IQSEC3: variants seen among roughly 807,000 people sequenced by gnomAD.
IQSEC3 encodes IQ motif and Sec7 domain ArfGEF 3, also known as IQ motif and SEC7 domain-containing protein 3.
IQSEC3 carries 50 observed loss-of-function variants against 105.4 expected under a neutral mutation model. The observed-to-expected ratio is 0.47, with a 90% confidence interval of 0.38 to 0.60. The LOEUF is 0.60. Among genes scored for constraint, IQSEC3 ranks in the 20% least tolerant of loss-of-function variants. IQSEC3 has a pLI of 0.00. For synonymous variants in IQSEC3, 708 were observed against 746.0 expected (o/e 0.95, Z 0.83); for missense variants, 1,415 against 1,630.0 (o/e 0.87, Z 2.27).
intron 5 of IQSEC3, chr12:143,201 G>A (rs542738293): frequency 6.5e-6 from 1 of 153,002 alleles, no homozygotes; most frequent in Admixed American, 6.5e-5. Flanking sequence ...CCTGTGCTGA[G>A]GAGGGGAGCT....
chr12:101,496 G>A (rs1864421065), intron 2 of IQSEC3, among the ~76,000 whole-genome samples: 1 of 152,140 alleles, frequency 6.6e-6, no homozygotes, highest in African/African-American at 2.4e-5. Context: ...GCTCCGGGGA[G>A]GGAGTGTGGG....
chr12:169,844 C>A (rs1591758174), intron 12 of IQSEC3, among the ~76,000 whole-genome samples: 1 of 152,380 alleles, frequency 6.6e-6, no homozygotes, highest in East Asian at 1.9e-4. Context: ...AAGCCATTCA[C>A]AACTGTCCAC....
rs2137077569 is a variant in IQSEC3, at chr12:174,931, G to A, written c.3447G>A (p.Leu1149=). The A allele has an allele frequency of 1.3e-6, 2 of 1,526,984 alleles. No homozygotes were observed. The highest frequency in any genetic ancestry group is 1.8e-6 in the Non-Finnish European group (2 of 1,139,816). 94.6% of individuals were successfully genotyped at this position (1,526,984 alleles called of 1,614,324 possible). ...TCAAGGTCACCCACCAGCCTCCGCT[G>A]CCCCCGCCCCCACCCCCCTACAACC... ...SPVKVTHQPP[L]PPPPPPYNHP... Residue 1149 remains leucine, a synonymous_variant, in exon 14 of 14, where the codon CTG becomes CTA. Transcript: ENST00000538872.
chr12:156,330 A>C (rs1216996688), intron 5 of IQSEC3, among the ~76,000 whole-genome samples: 1 of 152,182 alleles, frequency 6.6e-6, no homozygotes, highest in Non-Finnish European at 1.5e-5. Context: ...CCAGAGTCAC[A>C]CCAAGTTCGC....
rs1378697686 is a variant in IQSEC3, at chr12:72,864, A to G, written c.554+5428A>G. 8.3e-5 allele frequency among the ~76,000 whole-genome samples: 10 copies of G among 120,186 alleles called. No homozygotes were observed. In the East Asian group the frequency reaches 1.8e-3, roughly 21 times the overall value. The allele number at this position is 120,186 out of a possible 152,430, so 78.8% of individuals were successfully genotyped here. A position where few individuals can be genotyped will look rare whatever the true frequency, so the allele number is the denominator to read the frequency against. ...TCGAGACCATCCTAGCTAACATGGT[A>G]AAAACCCGTCTCAACTAAAAAATGC... is the stretch of plus-strand genomic sequence containing the variant. On this transcript the variant is annotated intron_variant, in intron 1 of 13. Coordinates refer to ENST00000538872, the MANE Select transcript of IQSEC3 (RefSeq NM_001170738.2).
chr12:122,650 C>A (rs183739283), intron 2 of IQSEC3, among the ~76,000 whole-genome samples: 1 of 152,190 alleles, frequency 6.6e-6, no homozygotes, highest in African/African-American at 2.4e-5. Context: ...CTCGATCCCA[C>A]TGGGGACTTA....
At chr12:146,254 G>A (rs1234136014) in intron 5 of IQSEC3, among the ~76,000 whole-genome samples, 1 of 152,168 alleles carries the variant, frequency 6.6e-6, no homozygotes, top group African/African-American at 2.4e-5. Context: ...CCTTATTCCT[G>A]AGGAATTCCC....
chr12:106,452 C>T (rs1864655115), intron 2 of IQSEC3: 1 of 152,332 alleles, frequency 6.6e-6, no homozygotes, highest in South Asian at 2.1e-4. Context: ...CCCCTCCGCC[C>T]TGCCCCTTGA....
intron 11 of IQSEC3, chr12:167,576 GA>G (rs59241356): frequency 0.034 from 4,639 of 138,170 alleles, 80 homozygotes; most frequent in African/African-American, 0.047. Context: ...AGGAAGCCAG[GA>G]AAAAAAAAAA....
intron 3 of IQSEC3, among the ~76,000 whole-genome samples, chr12:131,697 G>A (rs11064628): frequency 0.23 from 35,024 of 152,120 alleles, 4,220 homozygotes; most frequent in Non-Finnish European, 0.26. Flanking sequence ...TGGACAGTCC[G>A]CAGCGAGAGC....
At chr12:121,200 T>A (rs1865207732) in intron 2 of IQSEC3, among the ~76,000 whole-genome samples, 1 of 152,168 alleles carries the variant, frequency 6.6e-6, no homozygotes, top group South Asian at 2.1e-4. Context: ...ACAGCCTGTG[T>A]CTTGGAAGGA....
chr12:84,676 T>C (rs1863858718), intron 1 of IQSEC3, among the ~76,000 whole-genome samples: 1 of 152,048 alleles, frequency 6.6e-6, no homozygotes. Flanking sequence ...CAGGCAGGTG[T>C]GTATGAGTAT....
At chr12:167,342 T>C (rs1183855311) in intron 11 of IQSEC3, 2 of 152,274 alleles carry the variant, frequency 1.3e-5, no homozygotes, top group Non-Finnish European at 2.9e-5. Flanking sequence ...GGAGAGGCAC[T>C]TTCCCCCATC....
chr12:141,160 C>A lies in IQSEC3; in HGVS notation c.2028C>A (p.Arg676=), dbSNP rs144089662. The change falls in exon 5 of 14, where the codon CGC becomes CGA. Residue 676 remains arginine, a synonymous_variant. Coordinates refer to ENST00000538872, the MANE Select transcript of IQSEC3 (RefSeq NM_001170738.2). ...PDKGIQFLIS[R]GFIPDTPIGV... is the part of the protein sequence containing the mutation. ...AGGGCATCCAGTTCCTGATCTCACGCGGCTTCATCCCGGACACCCCCATCG... is the reference window on the plus strand; with the variant it reads ...AGGGCATCCAGTTCCTGATCTCACGAGGCTTCATCCCGGACACCCCCATCG... 68 of 1,613,224 alleles carry A rather than the reference C, an allele frequency of 4.2e-5. No homozygotes were observed. The highest frequency in any genetic ancestry group is 5.0e-5 in the Admixed American group (3 of 59,952).
At position 170,316 on chromosome 12, in the gene IQSEC3, CCT is replaced by C. The variant is rs140077181; in HGVS notation, c.3065-791_3065-790del. On this transcript the variant is annotated intron_variant, in intron 12 of 13. Coordinates refer to ENST00000538872, the MANE Select transcript of IQSEC3 (RefSeq NM_001170738.2). ...TGTCATTCCCTGCCATTCCTTCCTGCCTCTCTTTTGGAAGCTGCCCGCCCTGG... is the reference window on the plus strand; with the variant it reads ...TGTCATTCCCTGCCATTCCTTCCTGCCTCTTTTGGAAGCTGCCCGCCCTGG... 3.5e-3 allele frequency among the ~76,000 whole-genome samples: 536 copies of C among 152,310 alleles called. 5 individuals are homozygous for C. Among genetic ancestry groups the C allele is most frequent in the African/African-American group, 0.012 (506 of 41,574 alleles).
chr12:149,811 C>G (rs1353153170), intron 5 of IQSEC3, among the ~76,000 whole-genome samples: 1 of 152,096 alleles, frequency 6.6e-6, no homozygotes, highest in African/African-American at 2.4e-5. Flanking sequence ...TAACAGCATG[C>G]ACCAAAGTGG....
intron 1 of IQSEC3, among the ~76,000 whole-genome samples, chr12:74,054 C>A (rs557813584): frequency 6.6e-6 from 1 of 152,208 alleles, no homozygotes; most frequent in African/African-American, 2.4e-5. Flanking sequence ...AGAACAATCA[C>A]CCCTATTTCC....
chr12:83,056 C>T (rs975412022), intron 1 of IQSEC3, among the ~76,000 whole-genome samples: 3 of 152,136 alleles, frequency 2.0e-5, no homozygotes, highest in Admixed American at 6.5e-5. Context: ...CACTTATCGT[C>T]GCATACACCA....
chr12:105,469 G>T (rs1555077674), intron 2 of IQSEC3, among the ~76,000 whole-genome samples: 1 of 152,200 alleles, frequency 6.6e-6, no homozygotes, highest in African/African-American at 2.4e-5. Flanking sequence ...GTGCTCCTGG[G>T]TGATCTGAGG....
Sources: gnomAD v4.1 joint callset for allele counts (sites outside exome capture counted in the v4.1 genomes callset) on GRCh38, gnomAD v4.1.1 for gene constraint, MANE v1.5 for transcripts, NCBI Gene and HGNC (gene_info 2026-07-23, HGNC 2026-07-21) for gene names.